RNPEP: variants seen among roughly 807,000 people sequenced by gnomAD.
RNPEP encodes arginyl aminopeptidase, also known as aminopeptidase B.
RNPEP carries 57 observed loss-of-function variants against 70.1 expected under a neutral mutation model. The ratio of observed to expected loss-of-function variants is 0.81; its 90% confidence interval spans 0.66 to 1.01. The LOEUF is 1.01. Among genes scored for constraint, RNPEP ranks in the 50% least tolerant of loss-of-function variants. RNPEP has a pLI of 0.00. For missense variants in RNPEP, 787 were observed against 852.4 expected, an observed-to-expected ratio of 0.92 and a Z score of 0.96; for synonymous variants, 335 against 357.4, an observed-to-expected ratio of 0.94 and a Z score of 0.71.
intron 9 of RNPEP, 102 bp downstream of exon 9, chr1:202,003,563 G>T (rs1402669348): frequency 2.5e-6 from 2 of 800,916 alleles, no homozygotes; most frequent in Non-Finnish European, 4.0e-6. Context: ...CTAGGGAACT[G>T]CCACGTACAC....
intron 10 of RNPEP, 28 bp downstream of exon 10, chr1:202,004,524 G>GA (rs753835284): frequency 1.9e-5 from 31 of 1,609,884 alleles, no homozygotes; most frequent in Non-Finnish European, 2.5e-5. Flanking sequence ...CGCTGTTCCC[G>GA]AAAGCACACT....
At chr1:201,988,670 AG>A (rs1683218938) in intron 1 of RNPEP, among the ~76,000 whole-genome samples, 1 of 152,144 alleles carries the variant, frequency 6.6e-6, no homozygotes. Context: ...GGATGCAGTG[AG>A]GAATGGACCC....
intron 8 of RNPEP, 194 bp from the exon 9 acceptor site, chr1:202,003,043 C>T (rs1021756846): frequency 2.5e-5 from 14 of 569,418 alleles, no homozygotes; most frequent in East Asian, 2.0e-4. Flanking sequence ...ACGGTCGAAA[C>T]GGCACAGTCT....
rs1683228266 is a variant in RNPEP at position 201,988,960 on chromosome 1, C to A, written c.504C>A (p.Thr168=). 1 of 1,614,026 alleles carries A rather than the reference C, an allele frequency of 6.2e-7. No homozygotes were observed. Among genetic ancestry groups the A allele is most frequent in the Non-Finnish European group, 8.5e-7 (1 of 1,179,970 alleles). The stretch of plus-strand genomic sequence containing the variant: ...GAAAGAAGAAGCCCTTCGTGTACAC[C>A]CAGGGCCAGGCTGTCCTAAACCGGG... ...TAGKKKPFVY[T]QGQAVLNRAF... is the part of the protein sequence containing the mutation. Residue 168 remains threonine (T), a synonymous_variant, in exon 2 of 11, where the codon ACC becomes ACA. Coordinates refer to ENST00000295640, the MANE Select transcript of RNPEP (RefSeq NM_020216.4).
At position 202,000,025 on chromosome 1, in the gene RNPEP, G is replaced by C. The variant is rs370648158; in HGVS notation, c.1204+10G>C. On this transcript the variant is annotated intron_variant, in intron 6 of 10. Transcript: ENST00000295640. The stretch of plus-strand genomic sequence containing the variant: ...GTGAAGATTGAACCAGGTCCAGGAG[G>C]CTCCTCTGTCTGACACCCACTCCCC... 12 of 1,603,334 alleles carry C rather than the reference G, an allele frequency of 7.5e-6. No individual in the cohort carries two copies. The highest frequency in any genetic ancestry group is 2.7e-5 in the African/African-American group (2 of 74,720).
At chr1:202,000,667 C>T (rs570585264) in intron 6 of RNPEP, among the ~76,000 whole-genome samples, 1 of 152,080 alleles carries the variant, frequency 6.6e-6, no homozygotes, top group Admixed American at 6.5e-5. Context: ...CAGGTCAAAG[C>T]GGGTGGATCA....
Position 201,996,246 on chromosome 1 carries a change from A to G in RNPEP, c.837A>G (p.Gly279=), listed in dbSNP as rs535788370. 199 of 1,611,838 alleles carry G rather than the reference A, an allele frequency of 1.2e-4. No individual in the cohort carries two copies. The highest frequency in any genetic ancestry group is 1.6e-4 in the Non-Finnish European group (194 of 1,178,182). Residue 279 remains glycine, a synonymous_variant, in exon 4 of 11, where the codon GGA becomes GGG. Coordinates refer to ENST00000295640, the MANE Select transcript of RNPEP (RefSeq NM_020216.4). The part of the protein sequence containing the change: ...EFLATGEKLF[G]PYVWGRYDLL... ...TGGCAACAGGAGAGAAGCTTTTTGG[A>G]CCTTATGTTTGGGGAAGGTGTGGTA...
At position 202,005,592 on chromosome 1, in the gene RNPEP, C is replaced by A. The variant is rs772417585; in HGVS notation, c.1829C>A (p.Ala610Glu). Reference sequence around the variant, plus strand: ...AAGTATACACTTCCGCTGTACCACGCAATGATGGGTGGCAGTGAGGTGGCC... The same window carrying A: ...AAGTATACACTTCCGCTGTACCACGAAATGATGGGTGGCAGTGAGGTGGCC... Reference protein sequence around the residue: ...KQKYTLPLYHAMMGGSEVAQT... With the variant: ...KQKYTLPLYHEMMGGSEVAQT... The change falls in exon 11 of 11, where the codon GCA (alanine) becomes GAA (glutamate). Residue 610 changes from alanine (A) to glutamate (E), a missense_variant. Coordinates refer to ENST00000295640, the MANE Select transcript of RNPEP (RefSeq NM_020216.4). 1 of 1,614,190 alleles carries A rather than the reference C, an allele frequency of 6.2e-7. No individual in the cohort carries two copies. Among genetic ancestry groups the A allele is most frequent in the South Asian group, 1.1e-5 (1 of 91,090 alleles).
intron 5 of RNPEP, among the ~76,000 whole-genome samples, chr1:201,997,797 C>T (rs1379629148): frequency 1.5e-5 from 2 of 130,132 alleles, no homozygotes; most frequent in Admixed American, 1.8e-4. Context: ...GAGTTTTGCT[C>T]TTGTTGCCCA....
chr1:201,996,905 C>T (rs919217992), intron 4 of RNPEP, among the ~76,000 whole-genome samples: 1 of 152,156 alleles, frequency 6.6e-6, no homozygotes, highest in East Asian at 1.9e-4. Flanking sequence ...GGAAGTTTCC[C>T]CACACTCTGT....
chr1:202,000,991 G>T (rs1358102376), intron 6 of RNPEP: 1 of 193,948 alleles, frequency 5.2e-6, no homozygotes, highest in Non-Finnish European at 1.0e-5. Flanking sequence ...TGCTCAGTGG[G>T]AAATGCTGAT....
At position 201,982,879 on chromosome 1, in the gene RNPEP, G is replaced by A; in HGVS notation, c.213G>A (p.Glu71=). The A allele has an allele frequency of 7.1e-7, 1 of 1,405,334 alleles. No homozygotes were observed. The highest frequency in any genetic ancestry group is 1.5e-5 in the African/African-American group (1 of 65,808). The allele number at this position is 1,405,334 out of a possible 1,614,324, so 87.1% of individuals were successfully genotyped here. Residue 71 remains glutamate (E), a synonymous_variant, in exon 1 of 11, where the codon GAG becomes GAA. Coordinates refer to ENST00000295640, the MANE Select transcript of RNPEP (RefSeq NM_020216.4). ...CGGTCCTGGACCTGCGCTGCCTGGAGCCCGAGGGCGCCGCCGAGCTGCGGC... is the reference window on the plus strand; with the variant it reads ...CGGTCCTGGACCTGCGCTGCCTGGAACCCGAGGGCGCCGCCGAGCTGCGGC... ...GTAVLDLRCL[E]PEGAAELRLD...
chr1:202,001,342 A>T, intron 6 of RNPEP, 34 bp from the exon 7 acceptor site: 2 of 1,470,014 alleles, frequency 1.4e-6, no homozygotes, highest in South Asian at 1.1e-5. Context: ...CAGGCTACAA[A>T]AGCTCAAATC....
At chr1:201,992,522 G>A (rs1477075775) in intron 3 of RNPEP, among the ~76,000 whole-genome samples, 3 of 151,860 alleles carry the variant, frequency 2.0e-5, no homozygotes, top group African/African-American at 7.3e-5. Flanking sequence ...GCTCTCTGAC[G>A]GCCTCTCTCC....
chr1:201,989,343 T>C, intron 2 of RNPEP, 40 bp from the exon 3 acceptor site: 2 of 1,604,030 alleles, frequency 1.2e-6, no homozygotes, highest in Non-Finnish European at 1.7e-6. Flanking sequence ...AAAAGGAAAC[T>C]CTCTCCAGGT....
In RNPEP at chr1:202,004,343, C is replaced by G. The variant is rs1683963159; in HGVS notation, c.1652-11C>G. The G allele has an allele frequency of 6.2e-7, 1 of 1,613,826 alleles. No homozygotes were observed. Among genetic ancestry groups the G allele is most frequent in the Non-Finnish European group, 8.5e-7 (1 of 1,179,968 alleles). Reference sequence around the variant, plus strand: ...GTGACCAGCCACAAACCATTTCTTTCTCTTCTCCAGGGAATGTGAAAAAAC... The same window carrying G: ...GTGACCAGCCACAAACCATTTCTTTGTCTTCTCCAGGGAATGTGAAAAAAC... On this transcript the variant is annotated splice_polypyrimidine_tract_variant and intron_variant, in intron 9 of 10. Transcript: ENST00000295640.
Position 201,982,855 on chromosome 1 carries a change from G to C in RNPEP, c.189G>C (p.Ala63=). ...GGAGCCGGGGGCTGAGCGGCACCGC[G>C]GTCCTGGACCTGCGCTGCCTGGAGC... ...GAGSRGLSGT[A]VLDLRCLEPE... Residue 63 remains alanine, a synonymous_variant, in exon 1 of 11, where the codon GCG becomes GCC. Coordinates refer to ENST00000295640, the MANE Select transcript of RNPEP (RefSeq NM_020216.4). 7.4e-7 allele frequency: 1 copy of C among 1,359,824 alleles called. No homozygotes were observed. The highest frequency in any genetic ancestry group is 9.4e-7 in the Non-Finnish European group (1 of 1,059,260). The allele number at this position is 1,359,824 out of a possible 1,614,324, so 84.2% of individuals were successfully genotyped here. A position where few individuals can be genotyped will look rare whatever the true frequency, so the allele number is the denominator to read the frequency against.
chr1:201,995,551 G>A (rs1197182551), intron 3 of RNPEP: 2 of 152,244 alleles, frequency 1.3e-5, no homozygotes, highest in African/African-American at 4.8e-5. Flanking sequence ...GCATGATGAT[G>A]TGCAACTGTA....
chr1:201,989,002 C>G lies in RNPEP; in HGVS notation c.546C>G (p.Phe182Leu). 1 of 1,614,158 alleles carries G rather than the reference C, an allele frequency of 6.2e-7. No individual in the cohort carries two copies. The highest frequency in any genetic ancestry group is 8.5e-7 in the Non-Finnish European group (1 of 1,180,020). ...TAAACCGGGCCTTCTTCCCTTGCTT[C>G]GACACGCCTGCTGTTAAATACAAGT... is the stretch of plus-strand genomic sequence containing the variant. ...AVLNRAFFPC[F>L]DTPAVKYKYS... The change falls in exon 2 of 11, where the codon TTC (phenylalanine) becomes TTG (leucine). Residue 182 changes from phenylalanine to leucine, a missense_variant. Coordinates refer to ENST00000295640, the MANE Select transcript of RNPEP (RefSeq NM_020216.4).
Sources: gnomAD v4.1 joint callset for allele counts (sites outside exome capture counted in the v4.1 genomes callset) on GRCh38, gnomAD v4.1.1 for gene constraint, MANE v1.5 for transcripts, NCBI Gene and HGNC (gene_info 2026-07-23, HGNC 2026-07-21) for gene names.